Variants in HSD17B12 observed in about 807,000 individuals in gnomAD.
HSD17B12 encodes hydroxysteroid 17-beta dehydrogenase 12.
Under a neutral mutation model 39.3 loss-of-function variants are expected in HSD17B12, and 32 were observed. The observed-to-expected ratio is 0.81, with a 90% CI of 0.61 to 1.09. HSD17B12 has a LOEUF of 1.09. HSD17B12 is among the 50% of genes least tolerant of loss of function. The pLI is 0.00. For missense variants in HSD17B12, 342 were observed against 382.9 expected (o/e 0.89, Z 0.89); for synonymous variants, 150 against 146.7 (o/e 1.02, Z -0.16).
chr11:43,830,220 T>A, intron 6 of HSD17B12: 1 of 152,210 alleles, frequency 6.6e-6, no homozygotes, highest in Non-Finnish European at 1.5e-5. Context: ...GAATTGATGA[T>A]ATCCAGGAGT....
chr11:43,775,484 A>G (rs1950691440), intron 3 of HSD17B12, among the ~76,000 whole-genome samples: 1 of 150,626 alleles, frequency 6.6e-6, no homozygotes, highest in African/African-American at 2.4e-5. Flanking sequence ...AATTTTAAGA[A>G]TTTTTTTTTT....
At chr11:43,634,526 C>T in the HSD17B12 span, among the ~76,000 whole-genome samples, 1 of 152,290 alleles carries the variant, frequency 6.6e-6, no homozygotes, top group African/African-American at 2.4e-5. Context: ...TTTACATAGA[C>T]CAGTACTGAA....
intron 3 of HSD17B12, among the ~76,000 whole-genome samples, chr11:43,758,420 G>A (rs1050934906): frequency 6.6e-6 from 1 of 152,178 alleles, no homozygotes; most frequent in African/African-American, 2.4e-5. Context: ...CTCAGTTTCA[G>A]TTGAGTCTGA....
At chr11:43,700,978 CA>C (rs1259242175) in intron 1 of HSD17B12, among the ~76,000 whole-genome samples, 1 of 152,088 alleles carries the variant, frequency 6.6e-6, no homozygotes, top group Non-Finnish European at 1.5e-5. Context: ...CCTTTTTCTC[CA>C]CATCTTTGCC....
chr11:43,602,191 A>T, the HSD17B12 span, among the ~76,000 whole-genome samples: 5 of 152,180 alleles, frequency 3.3e-5, no homozygotes, highest in African/African-American at 1.2e-4. Context: ...ACAGTTTAAA[A>T]TTTTTTATGG....
chr11:43,755,287 A>G (rs2134951616), intron 3 of HSD17B12: 1 of 157,750 alleles, frequency 6.3e-6, no homozygotes, highest in South Asian at 2.0e-4. Flanking sequence ...AAATATTGGA[A>G]GAACTTACAA....
chr11:43,788,755 A>G (rs1950840542), intron 3 of HSD17B12, among the ~76,000 whole-genome samples: 1 of 151,552 alleles, frequency 6.6e-6, no homozygotes, highest in Non-Finnish European at 1.5e-5. Flanking sequence ...TCTCCTAAGT[A>G]ATTGTAACAC....
chr11:43,628,000 C>A, the HSD17B12 span, among the ~76,000 whole-genome samples: 1 of 151,704 alleles, frequency 6.6e-6, no homozygotes, highest in South Asian at 2.1e-4. Context: ...CTCAGTGAAA[C>A]TTTCTTTCCT....
At chr11:43,737,103 G>A (rs1394537145) in intron 1 of HSD17B12, among the ~76,000 whole-genome samples, 3 of 152,010 alleles carry the variant, frequency 2.0e-5, no homozygotes, top group East Asian at 1.9e-4. Flanking sequence ...TCAGGTGTTC[G>A]GGGGGAAAAA....
rs1326241555 is a variant in HSD17B12 at position 43,718,860 on chromosome 11, G to A, written c.161-32051G>A. 3.4e-5 allele frequency: 30 copies of A among 883,556 alleles called. 1 individual carries two copies. The highest frequency in any genetic ancestry group is 1.4e-4 in the South Asian group (11 of 76,832). 54.7% of individuals were successfully genotyped at this position (883,556 alleles called of 1,614,324 possible). On this transcript the variant is annotated intron_variant, in intron 1 of 10. Transcript: ENST00000278353. ...CTCCGGAAGCAGCCCAAATATCCTCGGAAAAGCACCCTCAGGAGAAACAAG... is the reference window on the plus strand; with the variant it reads ...CTCCGGAAGCAGCCCAAATATCCTCAGAAAAGCACCCTCAGGAGAAACAAG...
In HSD17B12 at chr11:43,687,854, C is replaced by T. The variant is rs112789344; in HGVS notation, c.160+6867C>T. Reference sequence around the variant, plus strand: ...TTATTGCCGGCCCTCTTTGGGAAAACATTGTTACACAGAGATAGATCAGTC... The same window carrying T: ...TTATTGCCGGCCCTCTTTGGGAAAATATTGTTACACAGAGATAGATCAGTC... On this transcript the variant is annotated intron_variant, in intron 1 of 10. Transcript: ENST00000278353. Among the ~76,000 whole-genome samples the T allele has an allele frequency of 5.7e-3, 870 of 152,324 alleles. 6 individuals are homozygous for T. Among genetic ancestry groups the T allele is most frequent in the African/African-American group, 0.02 (825 of 41,578 alleles).
At chr11:43,840,095 C>T (rs947845733) in intron 9 of HSD17B12, 31 bp downstream of exon 9, 12 of 1,583,934 alleles carry the variant, frequency 7.6e-6, no homozygotes, top group Non-Finnish European at 1.0e-5. Context: ...TTAAGTATCC[C>T]TGTTTTTGTG....
upstream of HSD17B12, chr11:43,680,730 C>T (rs140946084): frequency 3.1e-3 from 3,336 of 1,083,308 alleles, 7 homozygotes; most frequent in Non-Finnish European, 3.5e-3. Context: ...GGAGCAGCGC[C>T]TATTAGTGTC....
At chr11:43,686,056 G>T (rs989382634) in intron 1 of HSD17B12, among the ~76,000 whole-genome samples, 1 of 152,214 alleles carries the variant, frequency 6.6e-6, no homozygotes, top group Non-Finnish European at 1.5e-5. Context: ...TCATCAGAAT[G>T]GTGGGATTTG....
chr11:43,818,166 T>A (rs1220171789), intron 6 of HSD17B12, among the ~76,000 whole-genome samples: 2 of 152,212 alleles, frequency 1.3e-5, no homozygotes, highest in Non-Finnish European at 2.9e-5. Flanking sequence ...TTGTCACTGA[T>A]AAATTGTTTC....
intron 1 of HSD17B12, among the ~76,000 whole-genome samples, chr11:43,711,272 CTGGAT>C (rs1183986347): frequency 1.3e-5 from 2 of 152,068 alleles, no homozygotes; most frequent in Admixed American, 1.3e-4. Context: ...AATCTTAGTA[CTGGAT>C]TAGTGTATCA....
chr11:43,676,287 A>T (rs550917570), upstream of HSD17B12, among the ~76,000 whole-genome samples: 4 of 151,600 alleles, frequency 2.6e-5, no homozygotes, highest in East Asian at 7.8e-4. Flanking sequence ...TGAAATGTTT[A>T]TTTTATATCT....
At chr11:43,594,442 A>G in the HSD17B12 span, among the ~76,000 whole-genome samples, 1 of 152,046 alleles carries the variant, frequency 6.6e-6, no homozygotes. Flanking sequence ...AGAATACTAT[A>G]TATTTTATGA....
intron 1 of HSD17B12, among the ~76,000 whole-genome samples, chr11:43,728,209 G>A (rs1443653767): frequency 7.9e-5 from 12 of 152,048 alleles, no homozygotes; most frequent in African/African-American, 2.7e-4. Flanking sequence ...GGGATTACAG[G>A]TGCCTGCAAC....
Sources: allele counts gnomAD v4.1 joint callset (sites outside exome capture counted in the v4.1 genomes callset), GRCh38; gene constraint gnomAD v4.1.1; transcripts MANE v1.5; gene names NCBI Gene and HGNC (gene_info 2026-07-23, HGNC 2026-07-21).